The following EML4 variants were observed in gnomAD, a reference collection of about 807,000 sequenced individuals.
EML4 encodes the protein EMAP like 4.
A neutral mutation model predicts 129.0 loss-of-function variants in EML4; 72 were observed. The observed-to-expected ratio is 0.56, with a 90% CI of 0.46 to 0.68. The LOEUF (loss-of-function observed/expected upper bound fraction) is 0.68. Ranked by LOEUF, EML4 falls within the 30% of genes least tolerant of loss-of-function variation. The probability of loss-of-function intolerance (pLI) is 0.00; values close to 1 mark genes in which losing one functional copy is unlikely to be tolerated. For synonymous variants in EML4, 532 were observed against 405.0 expected, an observed-to-expected ratio of 1.31 and a Z score of -3.77; for missense variants, 1,363 against 1,190.6, an observed-to-expected ratio of 1.14 and a Z score of -2.13.
Position 42,301,271 on chromosome 2 carries a change from C to T in EML4, c.1520C>T (p.Ala507Val). ...TATCAAATCAGCAAACAAATCAAAG[C>T]TCATGATGGCAGTGTGTTCACACTT... ...GVYQISKQIK[A>V]HDGSVFTLCQ... is the part of the protein sequence containing the mutation. The change falls in exon 14 of 23, where the codon GCT (alanine) becomes GTT (valine). Residue 507 changes from alanine (A) to valine (V), a missense_variant. By Grantham distance (64) the Ala-to-Val change is moderately conservative (BLOSUM62 0). Transcript: ENST00000318522. 1 of 1,612,362 alleles carries T rather than the reference C, an allele frequency of 6.2e-7. No homozygotes were observed. The highest frequency in any genetic ancestry group is 8.5e-7 in the Non-Finnish European group (1 of 1,179,336).
At chr2:42,220,739 C>A (rs756937506) in intron 1 of EML4, among the ~76,000 whole-genome samples, 1 of 152,170 alleles carries the variant, frequency 6.6e-6, no homozygotes, top group East Asian at 1.9e-4. Flanking sequence ...CTAGGCTTCT[C>A]ATACCAGACA....
In EML4 at chr2:42,297,593, G is replaced by C. The variant is rs17029547; in HGVS notation, c.1489+2077G>C. On this transcript the variant is annotated intron_variant, in intron 13 of 22. Coordinates refer to ENST00000318522, the MANE Select transcript of EML4 (RefSeq NM_019063.5). The stretch of plus-strand genomic sequence containing the variant: ...AAGAATTTGAGGTTTTCAATTGGCT[G>C]GGAAGAATTTGGTGAGCGCAGTGAA... Among the ~76,000 whole-genome samples the C allele has an allele frequency of 3.1e-3, 470 of 152,260 alleles. 6 individuals are homozygous for C. The highest frequency in any genetic ancestry group is 0.011 in the African/African-American group (441 of 41,546).
intron 17 of EML4, among the ~76,000 whole-genome samples, chr2:42,308,719 C>T (rs988439413): frequency 1.2e-4 from 18 of 152,074 alleles, no homozygotes; most frequent in African/African-American, 4.1e-4. Flanking sequence ...AATCCTGTAC[C>T]CATTAATAGT....
chr2:42,181,839 G>A (rs753760170), intron 1 of EML4, among the ~76,000 whole-genome samples: 11 of 152,096 alleles, frequency 7.2e-5, no homozygotes, highest in Non-Finnish European at 4.4e-5. Flanking sequence ...TTCTTTTATG[G>A]AGAAAGGTAT....
intron 14 of EML4, 98 bp from the exon 15 acceptor site, chr2:42,303,006 T>C: frequency 7.8e-7 from 1 of 1,281,976 alleles, no homozygotes; most frequent in Non-Finnish European, 1.1e-6. Context: ...GCTTTCGTCA[T>C]AATTACCTCA....
At chr2:42,320,531 GTAAATATTAGGTAT>G (rs1669464604) in intron 19 of EML4, among the ~76,000 whole-genome samples, 1 of 152,136 alleles carries the variant, frequency 6.6e-6, no homozygotes, top group African/African-American at 2.4e-5. Context: ...AAGGTACTTA[GTAAATATTAGGTAT>G]TATTATTAGC....
intron 3 of EML4, 127 bp downstream of exon 3, chr2:42,256,757 A>C (rs1369528216): frequency 8.4e-7 from 1 of 1,194,920 alleles, no homozygotes; most frequent in Non-Finnish European, 1.2e-6. Flanking sequence ...TTGAATTCTT[A>C]AACTGTGAAA....
chr2:42,185,041 T>TA (rs1435044325), intron 1 of EML4, among the ~76,000 whole-genome samples: 1 of 152,196 alleles, frequency 6.6e-6, no homozygotes, highest in African/African-American at 2.4e-5. Context: ...TGTGCAATGA[T>TA]ACATCTGTGA....
intron 6 of EML4, among the ~76,000 whole-genome samples, chr2:42,278,089 G>A (rs971204096): frequency 6.6e-6 from 1 of 152,158 alleles, no homozygotes; most frequent in Non-Finnish European, 1.5e-5. Flanking sequence ...TATCATGCCA[G>A]ACAAGTTGGC....
At chr2:42,258,522 C>G (rs1311935802) in intron 3 of EML4, among the ~76,000 whole-genome samples, 1 of 151,994 alleles carries the variant, frequency 6.6e-6, no homozygotes, top group Non-Finnish European at 1.5e-5. Context: ...TGCTGCAGCA[C>G]CCGGAGTAGC....
At chr2:42,260,243 C>G (rs568240545) in intron 3 of EML4, among the ~76,000 whole-genome samples, 4 of 152,210 alleles carry the variant, frequency 2.6e-5, no homozygotes, top group Non-Finnish European at 4.4e-5. Context: ...TCTCCGCTCA[C>G]TGCAAACTCC....
intron 7 of EML4, among the ~76,000 whole-genome samples, chr2:42,282,094 C>G (rs1326811795): frequency 6.6e-6 from 1 of 152,032 alleles, no homozygotes; most frequent in South Asian, 2.1e-4. Context: ...CTCTTTTTCT[C>G]TCCATCTAAA....
chr2:42,205,842 G>A (rs865934249), intron 1 of EML4, among the ~76,000 whole-genome samples: 11 of 152,138 alleles, frequency 7.2e-5, no homozygotes, highest in African/African-American at 2.7e-4. Context: ...TGTGTTAACA[G>A]ACTATGTAGT....
chr2:42,288,944 A>C (rs1330820659), intron 11 of EML4: 2 of 152,198 alleles, frequency 1.3e-5, no homozygotes, highest in African/African-American at 4.8e-5. Context: ...AAAAGATTCA[A>C]AGTGATAGAA....
intron 11 of EML4, among the ~76,000 whole-genome samples, chr2:42,292,600 A>T (rs928889900): frequency 6.6e-6 from 1 of 152,224 alleles, no homozygotes; most frequent in African/African-American, 2.4e-5. Context: ...ATGATGGTTA[A>T]ATAGAGGAAG....
At chr2:42,246,309 C>T (rs1359064473) in intron 2 of EML4, among the ~76,000 whole-genome samples, 1 of 152,116 alleles carries the variant, frequency 6.6e-6, no homozygotes, top group African/African-American at 2.4e-5. Flanking sequence ...ATTTATTATT[C>T]TTTCACATGA....
chr2:42,288,284 T>A lies in EML4; in HGVS notation c.1180T>A (p.Trp394Arg). ...DDSNEHMLTV[W>R]DWQKKAKGAE... ...CTCCAATGAGCATATGCTTACTGTA[T>A]GGGACTGGCAGAAGAAAGCAAAAGG... Residue 394 changes from tryptophan to arginine, a missense_variant, in exon 11 of 23, where the codon TGG becomes AGG. By Grantham distance (101) the Trp-to-Arg change is moderately radical. Coordinates refer to ENST00000318522, the MANE Select transcript of EML4 (RefSeq NM_019063.5). 1 of 1,578,030 alleles carries A rather than the reference T, an allele frequency of 6.3e-7. No individual in the cohort carries two copies. Among genetic ancestry groups the A allele is most frequent in the Non-Finnish European group, 8.7e-7 (1 of 1,151,548 alleles).
At chr2:42,262,189 A>G (rs1354221866) in intron 4 of EML4, among the ~76,000 whole-genome samples, 7 of 152,172 alleles carry the variant, frequency 4.6e-5, no homozygotes, top group Non-Finnish European at 1.0e-4. Flanking sequence ...TGATCAATTT[A>G]ATATTTTGCC....
chr2:42,260,180 T>C (rs1479157005), intron 3 of EML4, among the ~76,000 whole-genome samples: 3 of 151,588 alleles, frequency 2.0e-5, no homozygotes, highest in African/African-American at 7.3e-5. Flanking sequence ...GATTTGTTTG[T>C]TTTTTGAGAT....
Sources: allele counts gnomAD v4.1 joint callset (sites outside exome capture counted in the v4.1 genomes callset), GRCh38; gene constraint gnomAD v4.1.1; transcripts MANE v1.5; gene names NCBI Gene and HGNC (gene_info 2026-07-23, HGNC 2026-07-21).